IRAG2: variants seen among roughly 807,000 people sequenced by gnomAD.
The protein encoded by IRAG2 is lymphoid restricted membrane protein.
In IRAG2, 45 loss-of-function variants were observed where a neutral mutation model predicts 69.9. The observed-to-expected ratio is 0.64, with a 90% CI of 0.51 to 0.83. The LOEUF (loss-of-function observed/expected upper bound fraction) is 0.83, where lower values mean the gene tolerates loss of function less well. Ranked by LOEUF, IRAG2 falls within the 40% of genes least tolerant of loss-of-function variation. The pLI, the probability that IRAG2 is intolerant of heterozygous loss-of-function variation, is 0.00. For missense variants in IRAG2, 520 were observed against 587.0 expected, an observed-to-expected ratio of 0.89 and a Z score of 1.18; for synonymous variants, 193 against 202.4, an observed-to-expected ratio of 0.95 and a Z score of 0.40.
At chr12:25,015,112 A>AAAAAAAAAAAAAAAAAAG (rs1555125446) in intron 3 of IRAG2, 1 of 360,148 alleles carries the variant, frequency 2.8e-6, no homozygotes, top group Non-Finnish European at 3.8e-6. Flanking sequence ...AAAAAAAAAA[A>AAAAAAAAAAAAAAAAAAG]GACAAAACTT....
intron 17 of IRAG2, chr12:25,103,568 A>G (rs1948873115): frequency 2.6e-6 from 1 of 379,606 alleles, no homozygotes; most frequent in Non-Finnish European, 4.7e-6. Context: ...CAATGTTTCT[A>G]GAAGACAAAT....
At chr12:25,008,448 A>G (rs1490664746) in intron 2 of IRAG2, among the ~76,000 whole-genome samples, 6 of 152,118 alleles carry the variant, frequency 3.9e-5, no homozygotes, top group Non-Finnish European at 8.8e-5. Context: ...CTAAAAATAG[A>G]AAAATTTAGG....
intron 8 of IRAG2, among the ~76,000 whole-genome samples, chr12:25,025,089 G>A (rs1034319826): frequency 6.6e-5 from 10 of 152,156 alleles, no homozygotes; most frequent in South Asian, 4.1e-4. Flanking sequence ...CATTCAACAC[G>A]TATTCATTGG....
chr12:25,078,873 T>C (rs1452902792), intron 6 of IRAG2, among the ~76,000 whole-genome samples: 1 of 152,256 alleles, frequency 6.6e-6, no homozygotes, highest in Non-Finnish European at 1.5e-5. Context: ...GGTTGAGTGC[T>C]ATTCCCACAC....
At chr12:25,031,048 C>T in intron 10 of IRAG2, 1 of 985,338 alleles carries the variant, frequency 1.0e-6, no homozygotes, top group Non-Finnish European at 1.2e-6. Flanking sequence ...CTTTAAGAGA[C>T]ACAGGAAGGA....
chr12:25,011,002 A>G (rs56125516), intron 2 of IRAG2, among the ~76,000 whole-genome samples: 4,178 of 152,324 alleles, frequency 0.027, 198 homozygotes, highest in African/African-American at 0.095. Flanking sequence ...TGAAAGGAAA[A>G]AATGTAATGT....
chr12:25,101,084 T>TTAGGAATGGAGTGAAGGTAAATGTGTTTA, intron 15 of IRAG2, 94 bp from the exon 16 acceptor site: 1 of 1,080,498 alleles, frequency 9.3e-7, no homozygotes, highest in Admixed American at 2.7e-5. Flanking sequence ...TTAGTGGGAT[T>TTAGGAATGGAGTGAAGGTAAATGTGTTTA]TAGGAATGGA....
At chr12:25,076,119 G>GA (rs909897199) in intron 6 of IRAG2, among the ~76,000 whole-genome samples, 87 of 151,502 alleles carry the variant, frequency 5.7e-4, no homozygotes, top group Admixed American at 4.6e-4. Context: ...CTCACAAGAA[G>GA]AAAAAAAAAT....
intron 4 of IRAG2, among the ~76,000 whole-genome samples, chr12:25,064,618 T>G (rs1683168): frequency 0.34 from 51,837 of 152,068 alleles, 9,103 homozygotes; most frequent in Admixed American, 0.41. Flanking sequence ...AAAGTAAATT[T>G]AAGAAGGAAT....
chr12:25,000,622 T>C (rs1944385024), upstream of IRAG2, among the ~76,000 whole-genome samples: 1 of 152,164 alleles, frequency 6.6e-6, no homozygotes, highest in South Asian at 2.1e-4. Context: ...AGACCCAGTC[T>C]CTACAAAATT....
At position 25,089,696 on chromosome 12, in the gene IRAG2, A is replaced by C. The variant is rs1433501701; in HGVS notation, c.437+19A>C. The C allele has an allele frequency of 6.2e-7, 1 of 1,608,764 alleles. No individual in the cohort carries two copies. The highest frequency in any genetic ancestry group is 1.3e-5 in the African/African-American group (1 of 74,822). ...GTGAGAAGTAAGTGCTTCTTCATGT[A>C]GCATGTTAACATGTTTTATTTTTCT... On this transcript the variant is annotated intron_variant, in intron 12 of 21. Transcript: ENST00000556887.
At chr12:25,070,087 T>G (rs948876555) in intron 6 of IRAG2, among the ~76,000 whole-genome samples, 1 of 152,178 alleles carries the variant, frequency 6.6e-6, no homozygotes, top group Non-Finnish European at 1.5e-5. Context: ...TCCATCATTC[T>G]TCTTTCTTTT....
intron 5 of IRAG2, among the ~76,000 whole-genome samples, chr12:25,068,115 A>G (rs1946106310): frequency 6.6e-6 from 1 of 152,072 alleles, no homozygotes; most frequent in South Asian, 2.1e-4. Flanking sequence ...TGCTGGGATT[A>G]CAGGTGTGAG....
intron 14 of IRAG2, 22 bp from the exon 15 acceptor site, chr12:25,096,888 T>C: frequency 2.5e-6 from 4 of 1,591,394 alleles, no homozygotes; most frequent in East Asian, 2.3e-5. Flanking sequence ...AGATATCTTT[T>C]AATATGCTGT....
intron 16 of IRAG2, among the ~76,000 whole-genome samples, chr12:25,046,543 G>A (rs945845792): frequency 6.6e-6 from 1 of 151,960 alleles, no homozygotes; most frequent in African/African-American, 2.4e-5. Flanking sequence ...TTATATATGA[G>A]CAACATTGAA....
chr12:25,089,869 C>T (rs937015119), intron 13 of IRAG2, 79 bp downstream of exon 13: 21 of 1,464,762 alleles, frequency 1.4e-5, no homozygotes, highest in Non-Finnish European at 1.9e-5. Flanking sequence ...TGTTTTGGCA[C>T]AAGCTCTCAT....
chr12:25,011,815 C>G (rs1364768830), intron 3 of IRAG2, among the ~76,000 whole-genome samples: 1 of 152,158 alleles, frequency 6.6e-6, no homozygotes, highest in African/African-American at 2.4e-5. Flanking sequence ...GCTTTGGGAA[C>G]CACTGCTGTC....
At chr12:25,049,277 G>A (rs1001205232), upstream of IRAG2, among the ~76,000 whole-genome samples, 1 of 152,164 alleles carries the variant, frequency 6.6e-6, no homozygotes, top group African/African-American at 2.4e-5. Flanking sequence ...CTAATTCTGT[G>A]AAGAATGCCA....
At chr12:25,098,922 G>A (rs963028195) in intron 15 of IRAG2, among the ~76,000 whole-genome samples, 1 of 152,122 alleles carries the variant, frequency 6.6e-6, no homozygotes, top group Non-Finnish European at 1.5e-5. Flanking sequence ...CATGGCTGAT[G>A]TCTTCCTCTT....
Sources: allele counts gnomAD v4.1 joint callset (sites outside exome capture counted in the v4.1 genomes callset), GRCh38; gene constraint gnomAD v4.1.1; transcripts MANE v1.5; gene names NCBI Gene and HGNC (gene_info 2026-07-23, HGNC 2026-07-21).